WDR38: variants seen among roughly 807,000 people sequenced by gnomAD.
WDR38 encodes WD repeat-containing protein 38.
WDR38 carries 37 observed loss-of-function variants against 36.6 expected under a neutral mutation model. The ratio of observed to expected loss-of-function variants is 1.01; its 90% CI spans 0.78 to 1.33. The LOEUF is 1.33. Ranked by LOEUF, WDR38 falls within the 40% of genes most tolerant of loss-of-function variation. The probability of loss-of-function intolerance (pLI) is 0.00; values close to 1 mark genes in which losing one functional copy is unlikely to be tolerated. For synonymous variants in WDR38, 164 were observed against 168.1 expected, an observed-to-expected ratio of 0.98 and a Z score of 0.19; for missense variants, 411 against 414.6, an observed-to-expected ratio of 0.99 and a Z score of 0.07.
At chr9:124,854,632 T>C (rs1055928807) in intron 2 of WDR38, among the ~76,000 whole-genome samples, 5 of 151,704 alleles carry the variant, frequency 3.3e-5, no homozygotes, top group Non-Finnish European at 7.4e-5. Flanking sequence ...CTGGACAACC[T>C]CGGCTCACTG....
intron 2 of WDR38, 110 bp from the exon 3 acceptor site, chr9:124,855,524 T>G: frequency 3.6e-6 from 4 of 1,098,276 alleles, no homozygotes; most frequent in African/African-American, 1.5e-5. Context: ...GAAGCTGGAG[T>G]TTGGGTGAGG....
chr9:124,853,588 G>T lies in WDR38; in HGVS notation c.57G>T (p.Gln19His). 7.9e-7 allele frequency: 1 copy of T among 1,269,976 alleles called. No individual in the cohort carries two copies. The highest frequency in any genetic ancestry group is 1.0e-6 in the Non-Finnish European group (1 of 1,000,428). 78.7% of individuals were successfully genotyped at this position (1,269,976 alleles called of 1,614,324 possible). Residue 19 changes from glutamine to histidine, a missense_variant, in exon 1 of 9, where the codon CAG becomes CAT. By Grantham distance (24) the Gln-to-His change is conservative (BLOSUM62 0). Transcript: ENST00000373574. ...LAVRRVKFFG[Q>H]HGGEVNSSAF... Reference sequence around the variant, plus strand: ...TGCGGAGAGTGAAATTCTTCGGCCAGCACGGCGGGGAGGTGAGGTCCAGCG... The same window carrying T: ...TGCGGAGAGTGAAATTCTTCGGCCATCACGGCGGGGAGGTGAGGTCCAGCG...
At chr9:124,857,183 C>CG (rs1829098733) in intron 7 of WDR38, among the ~76,000 whole-genome samples, 181 bp from the exon 8 acceptor site, 2 of 152,120 alleles carry the variant, frequency 1.3e-5, no homozygotes, top group South Asian at 4.1e-4. Context: ...TTTTTTGGGC[C>CG]GGGGGCGGTG....
In WDR38 at chr9:124,857,605, A is replaced by G; in HGVS notation, c.920A>G (p.Lys307Arg). 6.2e-7 allele frequency: 1 copy of G among 1,614,098 alleles called. No homozygotes were observed. The highest frequency in any genetic ancestry group is 8.5e-7 in the Non-Finnish European group (1 of 1,180,020). ...AGACGTCAAATATCCCGCACGTCCA[A>G]ATCACCCAGGGACCCTCAAACCTAA... ...QTRRQISRTS[K>R]SPRDPQT Residue 307 changes from lysine to arginine, a missense_variant, in exon 9 of 9, where the codon AAA (lysine) becomes AGA (arginine). Lys to Arg is a conservative substitution (Grantham distance 26, BLOSUM62 2). Coordinates refer to ENST00000373574, the MANE Select transcript of WDR38 (RefSeq NM_001045476.3).
chr9:124,856,215 T>G (rs1349291229), intron 4 of WDR38, 25 bp from the exon 5 acceptor site: 3 of 1,613,558 alleles, frequency 1.9e-6, no homozygotes. Flanking sequence ...CTCTGCTGCC[T>G]TCTGCAGCTC....
rs1829088622 is a variant in WDR38, at chr9:124,856,879, A to G, written c.766A>G (p.Met256Val). 6.2e-7 allele frequency: 1 copy of G among 1,613,796 alleles called. No homozygotes were observed. Among genetic ancestry groups the G allele is most frequent in the Non-Finnish European group, 8.5e-7 (1 of 1,180,006 alleles). ...LWLASAGYSR[M>V]VKVWDCNTGK... Reference sequence around the variant, plus strand: ...GCTGGCCAGCGCCGGCTATTCCCGCATGGTAACCACCCCGGGCCCATCCTG... The same window carrying G: ...GCTGGCCAGCGCCGGCTATTCCCGCGTGGTAACCACCCCGGGCCCATCCTG... Residue 256 changes from methionine to valine, a missense_variant and splice_region_variant, in exon 7 of 9, where the codon ATG (methionine) becomes GTG (valine). Coordinates refer to ENST00000373574, the MANE Select transcript of WDR38 (RefSeq NM_001045476.3).
rs1829071355 is a variant in WDR38, at chr9:124,856,483, G to A, written c.501G>A (p.Trp167Ter). ...GCTGCCTGCAGGCCACCGGCTCCTGGGACTCCACCGTACACATCTGGGACC... is the reference window on the plus strand; with the variant it reads ...GCTGCCTGCAGGCCACCGGCTCCTGAGACTCCACCGTACACATCTGGGACC... ...PTVNCLATGS[W>*]DSTVHIWDLR... is the part of the protein sequence containing the mutation. Residue 167 changes from tryptophan (W) to a stop codon, truncating the protein, a stop_gained, in exon 6 of 9, where the codon TGG becomes TGA. Transcript: ENST00000373574. LOFTEE classifies it high-confidence loss of function. The A allele has an allele frequency of 3.1e-6, 5 of 1,612,028 alleles. No individual in the cohort carries two copies. Among genetic ancestry groups the A allele is most frequent in the Non-Finnish European group, 3.4e-6 (4 of 1,179,186 alleles).
intron 7 of WDR38, 55 bp downstream of exon 7, chr9:124,856,936 GC>G (rs1588034073): frequency 1.2e-6 from 2 of 1,606,636 alleles, no homozygotes; most frequent in Non-Finnish European, 1.7e-6. Flanking sequence ...CCCACCAGGA[GC>G]CCTCAGCACT....
intron 2 of WDR38, 100 bp from the exon 3 acceptor site, chr9:124,855,534 G>A: frequency 1.6e-6 from 2 of 1,220,618 alleles, no homozygotes; most frequent in Non-Finnish European, 2.3e-6. Context: ...TTTGGGTGAG[G>A]GGAGGCTGGC....
chr9:124,857,589 A>G lies in WDR38; in HGVS notation c.904A>G (p.Ile302Val), dbSNP rs1829117541. 6.2e-7 allele frequency: 1 copy of G among 1,614,046 alleles called. No homozygotes were observed. Among genetic ancestry groups the G allele is most frequent in the Admixed American group, 1.7e-5 (1 of 59,994 alleles). ...AGCTGCCGATCAGACTAGACGTCAA[A>G]TATCCCGCACGTCCAAATCACCCAG... ...SGAADQTRRQISRTSKSPRDP... is the reference protein window; with the variant it reads ...SGAADQTRRQVSRTSKSPRDP... Residue 302 changes from isoleucine (I) to valine (V), a missense_variant, in exon 9 of 9, where the codon ATA becomes GTA. Transcript: ENST00000373574.
chr9:124,857,836 CCCACCCACCT>C lies in WDR38; in HGVS notation c.*214_*223del. 1 of 1,572,882 alleles carries C rather than the reference CCCACCCACCT, an allele frequency of 6.4e-7. No individual in the cohort carries two copies. The highest frequency in any genetic ancestry group is 8.6e-7 in the Non-Finnish European group (1 of 1,156,130). ...CAGACACCTGGTCCCCAAAACCAGA[CCCACCCACCT>C]CCACCCAATCAGTGGAAGTGCCAGG... On this transcript the variant is annotated 3_prime_UTR_variant, in exon 9 of 9. Transcript: ENST00000373574.
Position 124,854,198 on chromosome 9 carries a change from T to C in WDR38, c.70-7T>C. Reference sequence around the variant, plus strand: ...CCAGAATGGGACCGCTTTTGTGCTGTTTCTAGGTCAACTCTTCTGCCTTCT... The same window carrying C: ...CCAGAATGGGACCGCTTTTGTGCTGCTTCTAGGTCAACTCTTCTGCCTTCT... On this transcript the variant is annotated splice_polypyrimidine_tract_variant and splice_region_variant and intron_variant, in intron 1 of 8. Coordinates refer to ENST00000373574, the MANE Select transcript of WDR38 (RefSeq NM_001045476.3). The C allele has an allele frequency of 1.2e-6, 2 of 1,613,930 alleles. No homozygotes were observed. The highest frequency in any genetic ancestry group is 1.7e-6 in the Non-Finnish European group (2 of 1,179,894).
rs61738476 is a variant in WDR38 at position 124,856,473 on chromosome 9, C to A, written c.491C>A (p.Thr164Asn). Reference protein sequence around the residue: ...DFSPTVNCLATGSWDSTVHIW... With the variant: ...DFSPTVNCLANGSWDSTVHIW... ...ACTCACAGAAGCTGCCTGCAGGCCA[C>A]CGGCTCCTGGGACTCCACCGTACAC... The change falls in exon 6 of 9, where the codon ACC becomes AAC. Residue 164 changes from threonine to asparagine, a missense_variant. Thr to Asn is a moderately conservative substitution (Grantham distance 65). Transcript: ENST00000373574. 6.2e-7 allele frequency: 1 copy of A among 1,612,074 alleles called. No individual in the cohort carries two copies. Among genetic ancestry groups the A allele is most frequent in the Non-Finnish European group, 8.5e-7 (1 of 1,179,114 alleles).
At chr9:124,856,096 C>T in intron 4 of WDR38, 138 bp downstream of exon 4, 1 of 1,509,632 alleles carries the variant, frequency 6.6e-7, no homozygotes, top group Non-Finnish European at 9.0e-7. Context: ...CAAGGCTGCC[C>T]CCACCTGGCC....
chr9:124,854,382 G>A, intron 2 of WDR38, 57 bp downstream of exon 2: 2 of 1,605,252 alleles, frequency 1.2e-6, no homozygotes, highest in Non-Finnish European at 1.7e-6. Context: ...GCATGCTGCA[G>A]AGCTGACTGC....
At chr9:124,853,673 G>C in intron 1 of WDR38, 73 bp downstream of exon 1, 6 of 1,103,932 alleles carry the variant, frequency 5.4e-6, no homozygotes, top group Non-Finnish European at 7.0e-6. Context: ...TGTAGTGGGG[G>C]TTCCAGAATG....
intron 7 of WDR38, among the ~76,000 whole-genome samples, 154 bp downstream of exon 7, chr9:124,857,035 A>C (rs952674519): frequency 6.6e-6 from 1 of 152,242 alleles, no homozygotes; most frequent in African/African-American, 2.4e-5. Flanking sequence ...CCTAATGGCC[A>C]GCACCAAGGT....
At position 124,856,243 on chromosome 9, in the gene WDR38, G is replaced by T. The variant is rs147162054; in HGVS notation, c.409G>T (p.Gly137Cys). The T allele has an allele frequency of 4.0e-4, 641 of 1,614,140 alleles. 6 individuals carry two copies. The African/African-American group carries it at 5.4e-3, about 14-fold the overall frequency. ...KRVMLWDVQS[G>C]QMLRLLVGHR... ...TGCAGCTCAGGGCTCTCTCTAGTCC[G>T]GCCAGATGCTGCGCCTCTTAGTTGG... Residue 137 changes from glycine (G) to cysteine (C), a missense_variant, in exon 5 of 9, where the codon GGC becomes TGC. Transcript: ENST00000373574.
chr9:124,856,543 G>A lies in WDR38; in HGVS notation c.561G>A (p.Ala187=), dbSNP rs564267522. 25 of 1,613,238 alleles carry A rather than the reference G, an allele frequency of 1.5e-5. 1 individual carries two copies. Among genetic ancestry groups the A allele is most frequent in the South Asian group, 4.4e-5 (4 of 90,970 alleles). The change falls in exon 6 of 9, where the codon GCG becomes GCA. Residue 187 remains alanine (A), a synonymous_variant. Transcript: ENST00000373574. The stretch of plus-strand genomic sequence containing the variant: ...TGACCCCAGCAGTCTCCCACCAGGC[G>A]CTAGAGGGACACAGTGCCAACATCA... ...RMVTPAVSHQ[A]LEGHSANISC... is the part of the protein sequence containing the mutation.
Sources: gnomAD v4.1 joint callset for allele counts (sites outside exome capture counted in the v4.1 genomes callset) on GRCh38, gnomAD v4.1.1 for gene constraint, MANE v1.5 for transcripts, NCBI Gene and HGNC (gene_info 2026-07-23, HGNC 2026-07-21) for gene names.